ARHGAP15: variants seen among roughly 807,000 people sequenced by gnomAD.
ARHGAP15 encodes rho GTPase-activating protein 15.
A neutral mutation model predicts 63.7 loss-of-function variants in ARHGAP15; 51 were observed. The ratio of observed to expected loss-of-function variants is 0.80; its 90% CI spans 0.64 to 1.01. The LOEUF is 1.01. Ranked by LOEUF, ARHGAP15 falls within the 50% of genes least tolerant of loss-of-function variation. ARHGAP15 has a pLI of 0.00. For synonymous variants in ARHGAP15, 191 were observed against 193.8 expected (o/e 0.99, Z 0.12); for missense variants, 560 against 564.6 (o/e 0.99, Z 0.08).
At chr2:143,745,314 C>T (rs924357744) in intron 13 of ARHGAP15, among the ~76,000 whole-genome samples, 1 of 152,236 alleles carries the variant, frequency 6.6e-6, no homozygotes, top group African/African-American at 2.4e-5. Context: ...CACCCTTTTA[C>T]ACTGTGACTT....
intron 6 of ARHGAP15, among the ~76,000 whole-genome samples, chr2:143,424,407 A>G (rs965566036): frequency 6.6e-6 from 1 of 152,132 alleles, no homozygotes. Flanking sequence ...AGAAATGGTA[A>G]TATAATTCTG....
chr2:143,722,303 T>C (rs79643478), intron 13 of ARHGAP15, among the ~76,000 whole-genome samples: 1 of 152,080 alleles, frequency 6.6e-6, no homozygotes, highest in African/African-American at 2.4e-5. Flanking sequence ...GGAGTTTAAA[T>C]ATACATTTAT....
intron 11 of ARHGAP15, among the ~76,000 whole-genome samples, chr2:143,595,069 T>C (rs1697459021): frequency 6.6e-6 from 1 of 152,156 alleles, no homozygotes; most frequent in Admixed American, 6.6e-5. Flanking sequence ...TGGTGCTGTC[T>C]TTGTGCCCAT....
At chr2:143,307,361 G>A (rs925838659) in intron 6 of ARHGAP15, among the ~76,000 whole-genome samples, 9 of 152,136 alleles carry the variant, frequency 5.9e-5, no homozygotes, top group African/African-American at 1.9e-4. Context: ...GGGCATTTAT[G>A]CCAAGGGGTT....
intron 13 of ARHGAP15, among the ~76,000 whole-genome samples, chr2:143,724,999 C>T (rs1685217701): frequency 2.0e-5 from 3 of 152,166 alleles, no homozygotes; most frequent in Non-Finnish European, 4.4e-5. Context: ...AACTCAAGTT[C>T]CTCAGGAGAG....
chr2:143,148,791 G>T (rs1435858851), intron 1 of ARHGAP15, among the ~76,000 whole-genome samples: 1 of 151,938 alleles, frequency 6.6e-6, no homozygotes, highest in Non-Finnish European at 1.5e-5. Flanking sequence ...GAGTTTTATT[G>T]CACTCTCTCA....
chr2:143,228,518 G>A, intron 4 of ARHGAP15, 63 bp from the exon 5 acceptor site: 1 of 1,125,986 alleles, frequency 8.9e-7, no homozygotes, highest in Non-Finnish European at 1.3e-6. Context: ...TGCTCATACT[G>A]TATCTATAAA....
At chr2:143,417,946 T>C (rs1688756037) in intron 6 of ARHGAP15, among the ~76,000 whole-genome samples, 1 of 152,148 alleles carries the variant, frequency 6.6e-6, no homozygotes, top group Non-Finnish European at 1.5e-5. Flanking sequence ...GGATCCACAA[T>C]TGGATGAAAG....
chr2:143,330,106 A>AC (rs1558897663), intron 6 of ARHGAP15, among the ~76,000 whole-genome samples: 5 of 80,826 alleles, frequency 6.2e-5, no homozygotes, highest in African/African-American at 1.9e-4. Flanking sequence ...AAAAAAAAAA[A>AC]AAAAAAAAAA....
intron 6 of ARHGAP15, among the ~76,000 whole-genome samples, chr2:143,269,044 AAAGAG>A (rs756253200): frequency 5.9e-5 from 9 of 152,144 alleles, no homozygotes; most frequent in Non-Finnish European, 1.2e-4. Context: ...TATCTTGAAG[AAAGAG>A]AAAAGACTAT....
intron 6 of ARHGAP15, chr2:143,435,384 T>G: frequency 8.6e-7 from 1 of 1,161,112 alleles, no homozygotes; most frequent in Non-Finnish European, 1.1e-6. Flanking sequence ...AATCGTTCTA[T>G]TATTAAAACA....
intron 6 of ARHGAP15, among the ~76,000 whole-genome samples, chr2:143,340,527 C>CTTT (rs5834944): frequency 1.4e-3 from 215 of 148,804 alleles, no homozygotes; most frequent in East Asian, 4.9e-3. Context: ...GATTTTTTCT[C>CTTT]TTTTTTTTTT....
At chr2:143,685,235 A>C (rs1261134355) in intron 12 of ARHGAP15, among the ~76,000 whole-genome samples, 2 of 152,110 alleles carry the variant, frequency 1.3e-5, no homozygotes, top group East Asian at 1.9e-4. Context: ...AGTAAGTTTT[A>C]ATTAGAGAGC....
At chr2:143,338,088 C>T (rs1205459224) in intron 6 of ARHGAP15, among the ~76,000 whole-genome samples, 1 of 152,148 alleles carries the variant, frequency 6.6e-6, no homozygotes, top group Non-Finnish European at 1.5e-5. Context: ...TGTTCTATCT[C>T]ATTTTCCCCT....
intron 13 of ARHGAP15, among the ~76,000 whole-genome samples, chr2:143,743,066 G>A (rs544399890): frequency 3.9e-5 from 6 of 152,254 alleles, no homozygotes; most frequent in African/African-American, 9.6e-5. Context: ...TAAAGAGAGC[G>A]GCGACTGAGG....
chr2:143,262,903 A>G (rs1272921845), intron 6 of ARHGAP15, among the ~76,000 whole-genome samples: 1 of 152,140 alleles, frequency 6.6e-6, no homozygotes. Flanking sequence ...TGCAAAACCC[A>G]GAAGCATACA....
intron 8 of ARHGAP15, among the ~76,000 whole-genome samples, chr2:143,468,350 C>A (rs971124896): frequency 6.6e-6 from 1 of 151,712 alleles, no homozygotes; most frequent in Non-Finnish European, 1.5e-5. Flanking sequence ...TCAATAAGAA[C>A]AAAATCATTT....
intron 6 of ARHGAP15, among the ~76,000 whole-genome samples, chr2:143,421,508 C>A (rs1201467283): frequency 6.6e-6 from 1 of 151,926 alleles, no homozygotes; most frequent in Non-Finnish European, 1.5e-5. Flanking sequence ...CATCAAGGAA[C>A]AGGGCATGAA....
intron 12 of ARHGAP15, among the ~76,000 whole-genome samples, chr2:143,650,208 C>T (rs1017464716): frequency 6.6e-6 from 1 of 151,800 alleles, no homozygotes; most frequent in Admixed American, 6.6e-5. Context: ...AATGATATAA[C>T]ATTTCAGTTT....
Sources: gnomAD v4.1 joint callset for allele counts (sites outside exome capture counted in the v4.1 genomes callset) on GRCh38, gnomAD v4.1.1 for gene constraint, MANE v1.5 for transcripts, NCBI Gene and HGNC (gene_info 2026-07-23, HGNC 2026-07-21) for gene names.